The following AHNAK variants were observed in gnomAD, a reference collection of about 807,000 sequenced individuals.
AHNAK encodes the protein neuroblast differentiation-associated protein AHNAK.
A neutral mutation model predicts 37.8 loss-of-function variants in AHNAK; 23 were observed. The observed-to-expected ratio is 0.61, with a 90% CI of 0.44 to 0.86. The LOEUF (loss-of-function observed/expected upper bound fraction) is 0.86. AHNAK is among the 40% of genes least tolerant of loss of function. AHNAK has a pLI of 0.00. For synonymous variants in AHNAK, 2,481 were observed against 2,636.3 expected, an observed-to-expected ratio of 0.94 and a Z score of 1.80; for missense variants, 7,411 against 7,319.4, an observed-to-expected ratio of 1.01 and a Z score of -0.46.
chr11:62,529,264 G>T lies in AHNAK; in HGVS notation c.5153C>A (p.Pro1718His). ...WHLKMPKMKM[P>H]KFSMPGFKAE... is the part of the protein sequence containing the mutation. ...TTTGAAGCCAGGCATACTGAACTTG[G>T]GCATTTTCATCTTGGGCATTTTCAG... The change falls in exon 5 of 5, where the codon CCC (proline) becomes CAC (histidine). Residue 1718 changes from proline (P) to histidine (H), a missense_variant. By Grantham distance (77) the Pro-to-His change is moderately conservative (BLOSUM62 -2). Coordinates refer to ENST00000378024, the MANE Select transcript of AHNAK (RefSeq NM_001620.3). 1 of 1,614,064 alleles carries T rather than the reference G, an allele frequency of 6.2e-7. No individual in the cohort carries two copies. The highest frequency in any genetic ancestry group is 8.5e-7 in the Non-Finnish European group (1 of 1,180,022).
At position 62,533,438 on chromosome 11, in the gene AHNAK, C is replaced by A; in HGVS notation, c.979G>T (p.Ala327Ser). The change falls in exon 5 of 5, where the codon GCA becomes TCA. Residue 327 changes from alanine to serine, a missense_variant. By Grantham distance (99) the Ala-to-Ser change is moderately conservative. Coordinates refer to ENST00000378024, the MANE Select transcript of AHNAK (RefSeq NM_001620.3). ...TCAGGTGCAGAAACCCTCAGCCCTG[C>A]CTTTGGTGTCTGGCCCTCACGCCCT... is the stretch of plus-strand genomic sequence containing the variant. ...STGREGQTPKAGLRVSAPEVS... is the reference protein window; with the variant it reads ...STGREGQTPKSGLRVSAPEVS... 1.2e-6 allele frequency: 2 copies of A among 1,613,400 alleles called. No individual in the cohort carries two copies. Among genetic ancestry groups the A allele is most frequent in the Non-Finnish European group, 8.5e-7 (1 of 1,179,562 alleles).
chr11:62,516,967 T>C lies in AHNAK; in HGVS notation c.17450A>G (p.His5817Arg). 6.2e-7 allele frequency: 1 copy of C among 1,614,202 alleles called. No individual in the cohort carries two copies. Among genetic ancestry groups the C allele is most frequent in the Non-Finnish European group, 8.5e-7 (1 of 1,180,028 alleles). The change falls in exon 5 of 5, where the codon CAC becomes CGC. Residue 5817 changes from histidine (H) to arginine (R), a missense_variant. His to Arg is a conservative substitution (Grantham distance 29, BLOSUM62 0). Coordinates refer to ENST00000378024, the MANE Select transcript of AHNAK (RefSeq NM_001620.3). ...AAAGGTACCGAATTTCAGCTTCCCG[T>C]GTTTCCCTTTAACTTTCCCACCTTC... ...SLEGGKVKGKHGKLKFGTFGG... is the reference protein window; with the variant it reads ...SLEGGKVKGKRGKLKFGTFGG...
intron 5 of AHNAK, among the ~76,000 whole-genome samples, chr11:62,484,765 G>T (rs1050457493): frequency 6.6e-6 from 1 of 152,044 alleles, no homozygotes; most frequent in African/African-American, 2.4e-5. Flanking sequence ...ACTTGACTTA[G>T]GTTTTGTTTT....
intron 5 of AHNAK, among the ~76,000 whole-genome samples, chr11:62,460,241 C>T (rs1938754809): frequency 6.6e-6 from 1 of 152,188 alleles, no homozygotes; most frequent in South Asian, 2.1e-4. Context: ...GAGCCAAGAT[C>T]ACACCACTGC....
At chr11:62,437,334 A>G (rs1329103986) in intron 5 of AHNAK, among the ~76,000 whole-genome samples, 1 of 152,160 alleles carries the variant, frequency 6.6e-6, no homozygotes, top group Admixed American at 6.6e-5. Context: ...TATTGTCAGC[A>G]TAGGCACTCA....
chr11:62,531,690 T>C lies in AHNAK; in HGVS notation c.2727A>G (p.Ser909=). 2 of 1,614,170 alleles carry C rather than the reference T, an allele frequency of 1.2e-6. No homozygotes were observed. Among genetic ancestry groups the C allele is most frequent in the Non-Finnish European group, 1.7e-6 (2 of 1,180,034 alleles). Reference sequence around the variant, plus strand: ...GAACTTCAACACCCACCTTGGGTCCTGAGATGTCCACATCAGCCTTGGGCA... The same window carrying C: ...GAACTTCAACACCCACCTTGGGTCCCGAGATGTCCACATCAGCCTTGGGCA... ...VNLPKADVDI[S]GPKVGVEVPD... is the part of the protein sequence containing the mutation. The change falls in exon 5 of 5, where the codon TCA becomes TCG. Residue 909 remains serine, a synonymous_variant. Coordinates refer to ENST00000378024, the MANE Select transcript of AHNAK (RefSeq NM_001620.3).
At chr11:62,485,990 C>T (rs1299336342) in intron 5 of AHNAK, among the ~76,000 whole-genome samples, 6 of 140,824 alleles carry the variant, frequency 4.3e-5, no homozygotes, top group African/African-American at 1.6e-4. Flanking sequence ...CACTGCACTC[C>T]AGCCTGGGTG....
At chr11:62,535,862 C>T in intron 3 of AHNAK, 83 bp downstream of exon 3, 2 of 1,518,636 alleles carry the variant, frequency 1.3e-6, no homozygotes, top group Non-Finnish European at 8.8e-7. Context: ...TCACCCACTT[C>T]TGCCTGCTCC....
In AHNAK at chr11:62,521,584, G is replaced by C; in HGVS notation, c.12833C>G (p.Ser4278Cys). Residue 4278 changes from serine to cysteine, a missense_variant, in exon 5 of 5, where the codon TCC becomes TGC. Physicochemically the swap from Ser to Cys is moderately radical, Grantham distance 112. Transcript: ENST00000378024. ...GAGGTCACCTTCCACTTTAGGAAGG[G>C]AAACATCCACATCACCCTTCACCTT... is the stretch of plus-strand genomic sequence containing the variant. ...GPKVKGDVDVSLPKVEGDLKG... is the reference protein window; with the variant it reads ...GPKVKGDVDVCLPKVEGDLKG... 1 of 1,611,948 alleles carries C rather than the reference G, an allele frequency of 6.2e-7. No individual in the cohort carries two copies. Among genetic ancestry groups the C allele is most frequent in the Non-Finnish European group, 8.5e-7 (1 of 1,179,560 alleles).
At chr11:62,446,995 C>A (rs570290497) in intron 5 of AHNAK, among the ~76,000 whole-genome samples, 22 of 152,074 alleles carry the variant, frequency 1.4e-4, no homozygotes, top group African/African-American at 3.6e-4. Flanking sequence ...AAACTTCTCC[C>A]AGTAATTCCT....
At position 62,533,302 on chromosome 11, in the gene AHNAK, C is replaced by T. The variant is rs1305051098; in HGVS notation, c.1115G>A (p.Gly372Asp). Residue 372 changes from glycine (G) to aspartate (D), a missense_variant, in exon 5 of 5, where the codon GGC becomes GAC. Gly to Asp is a moderately conservative substitution (Grantham distance 94). Coordinates refer to ENST00000378024, the MANE Select transcript of AHNAK (RefSeq NM_001620.3). ...AAGTGATGGCCCAGTGATTTGGGGG[C>T]CCTTCAGCTTCCCCTCAAGGCCCTC... The part of the protein sequence containing the change: ...NIEGLEGKLK[G>D]PQITGPSLEG... 1 of 1,531,016 alleles carries T rather than the reference C, an allele frequency of 6.5e-7. No homozygotes were observed. Among genetic ancestry groups the T allele is most frequent in the South Asian group, 1.3e-5 (1 of 75,908 alleles). The allele number at this position is 1,531,016 out of a possible 1,614,324, so 94.8% of individuals were successfully genotyped here. A position where few individuals can be genotyped will look rare whatever the true frequency, so the allele number is the denominator to read the frequency against.
intron 5 of AHNAK, among the ~76,000 whole-genome samples, chr11:62,475,838 C>G (rs545831953): frequency 6.6e-6 from 1 of 152,048 alleles, no homozygotes; most frequent in African/African-American, 2.4e-5. Flanking sequence ...CTCCTGACCT[C>G]AGGTGATCCG....
At position 62,529,448 on chromosome 11, in the gene AHNAK, C is replaced by G; in HGVS notation, c.4969G>C (p.Asp1657His). The change falls in exon 5 of 5, where the codon GAT becomes CAT. Residue 1657 changes from aspartate to histidine, a missense_variant. Physicochemically the swap from Asp to His is moderately conservative, Grantham distance 81 (BLOSUM62 -1). Transcript: ENST00000378024. ...HFKAPKISMP[D>H]VDLHLKGPKV... is the part of the protein sequence containing the mutation. Reference sequence around the variant, plus strand: ...GGGCCTTTCAAGTGTAAGTCCACATCGGGCATGGAGATCTTGGGGGCCTTG... The same window carrying G: ...GGGCCTTTCAAGTGTAAGTCCACATGGGGCATGGAGATCTTGGGGGCCTTG... 1.2e-6 allele frequency: 2 copies of G among 1,614,066 alleles called. No individual in the cohort carries two copies. The highest frequency in any genetic ancestry group is 1.7e-6 in the Non-Finnish European group (2 of 1,180,024).
At chr11:62,507,052 T>G (rs972062017) in intron 4 of AHNAK, among the ~76,000 whole-genome samples, 3 of 152,126 alleles carry the variant, frequency 2.0e-5, no homozygotes, top group Non-Finnish European at 4.4e-5. Flanking sequence ...TCCACACTTT[T>G]ATTCCCCGGT....
chr11:62,512,683 T>C (rs1207033617), downstream of AHNAK, among the ~76,000 whole-genome samples: 1 of 151,862 alleles, frequency 6.6e-6, no homozygotes, highest in Non-Finnish European at 1.5e-5. The surrounding 1 kb of genome is among the most constrained non-coding windows in gnomAD (Gnocchi z 4.0). Context: ...GAGGGAGTGA[T>C]TGATTGAGCT....
At chr11:62,507,201 T>G (rs1169774128) in intron 4 of AHNAK, among the ~76,000 whole-genome samples, 1 of 152,202 alleles carries the variant, frequency 6.6e-6, no homozygotes, top group East Asian at 1.9e-4. Flanking sequence ...CAGACCCCCG[T>G]GTGAATCCTG....
At chr11:62,443,375 C>T (rs1199866681) in intron 5 of AHNAK, among the ~76,000 whole-genome samples, 4 of 149,354 alleles carry the variant, frequency 2.7e-5, no homozygotes, top group East Asian at 2.0e-4. Flanking sequence ...AGGGTTCAAG[C>T]GATTCTCCTG....
At chr11:62,469,459 TTTTG>T (rs377594620) in intron 5 of AHNAK, among the ~76,000 whole-genome samples, 4,913 of 150,874 alleles carry the variant, frequency 0.033, 272 homozygotes, top group African/African-American at 0.11. Flanking sequence ...ATGTTGTAAT[TTTTG>T]TTTGTTTGTT....
At chr11:62,440,930 C>A (rs552847115) in intron 5 of AHNAK, among the ~76,000 whole-genome samples, 1 of 152,084 alleles carries the variant, frequency 6.6e-6, no homozygotes, top group East Asian at 1.9e-4. Context: ...CTTTGTGAGG[C>A]GAAGACAGGT....
Sources: gnomAD v4.1 joint callset for allele counts (sites outside exome capture counted in the v4.1 genomes callset) on GRCh38, gnomAD v4.1.1 for gene constraint, Gnocchi (gnomAD v3.1) non-coding constraint, MANE v1.5 for transcripts, NCBI Gene and HGNC (gene_info 2026-07-23, HGNC 2026-07-21) for gene names.